The following CACTIN variants were observed in gnomAD, a reference collection of about 807,000 sequenced individuals.
CACTIN encodes cactin, spliceosome C complex subunit, also known as splicing factor Cactin.
CACTIN carries 20 observed loss-of-function variants against 84.9 expected under a neutral mutation model. The ratio of observed to expected loss-of-function variants is 0.24; its 90% CI spans 0.17 to 0.34. CACTIN has a LOEUF of 0.34. CACTIN is among the 10% of genes least tolerant of loss of function. The pLI is 1.00. For synonymous variants in CACTIN, 549 were observed against 467.9 expected (o/e 1.17, Z -2.24); for missense variants, 897 against 1,117.2 (o/e 0.80, Z 2.81).
In CACTIN at chr19:3,624,146, C is replaced by T; in HGVS notation, c.184G>A (p.Glu62Lys). Residue 62 changes from glutamate to lysine, a missense_variant, in exon 2 of 10, where the codon GAG becomes AAG. Coordinates refer to ENST00000429344, the MANE Select transcript of CACTIN (RefSeq NM_001080543.2). ...SRERRSDSEE[E>K]RWQRSGMRSR... Reference sequence around the variant, plus strand: ...CGCATCCCTGAGCGCTGCCACCGCTCTTCCTCTGAATCTGACCTGCGGAGA... The same window carrying T: ...CGCATCCCTGAGCGCTGCCACCGCTTTTCCTCTGAATCTGACCTGCGGAGA... 1.3e-6 allele frequency: 2 copies of T among 1,566,678 alleles called. No individual in the cohort carries two copies. The highest frequency in any genetic ancestry group is 1.7e-6 in the Non-Finnish European group (2 of 1,158,360).
chr19:3,613,892 A>G, intron 7 of CACTIN: 1 of 488,942 alleles, frequency 2.0e-6, no homozygotes, highest in Non-Finnish European at 3.6e-6. Context: ...GCAGGACACC[A>G]GCCAACAAGC....
chr19:3,622,657 G>A (rs1599894379), intron 2 of CACTIN, among the ~76,000 whole-genome samples: 3 of 152,354 alleles, frequency 2.0e-5, no homozygotes, highest in Non-Finnish European at 1.5e-5. Flanking sequence ...CCCAGAGGGA[G>A]TGGGGTCCTG....
chr19:3,624,417 G>A (rs2033292626), intron 1 of CACTIN, among the ~76,000 whole-genome samples: 1 of 152,230 alleles, frequency 6.6e-6, no homozygotes, highest in African/African-American at 2.4e-5. Context: ...CCGAGCACAG[G>A]GGCTGGGGCT....
At chr19:3,614,041 G>A (rs1340005038) in intron 7 of CACTIN, 4 of 484,806 alleles carry the variant, frequency 8.3e-6, no homozygotes, top group Non-Finnish European at 1.5e-5. Context: ...TGGGCGCAAG[G>A]CAGTGGGGAC....
At position 3,613,467 on chromosome 19, in the gene CACTIN, C is replaced by A; in HGVS notation, c.1475G>T (p.Arg492Leu). The change falls in exon 8 of 10, where the codon CGC becomes CTC. Residue 492 changes from arginine to leucine, a missense_variant. Around this residue, in one of 8 missense-constraint regions of CACTIN, gnomAD observed 243 missense variants for 239.9 expected, o/e 1.01. Coordinates refer to ENST00000429344, the MANE Select transcript of CACTIN (RefSeq NM_001080543.2). ...ILKQEPQSPS[R>L]SLEPEDAAPT... ...CCGGGGTGCCGGCCGGGCCTACCTG[C>A]GGCTGGGGGACTGGGGCTCCTGCTT... The A allele has an allele frequency of 6.3e-7, 1 of 1,577,350 alleles. No homozygotes were observed. Among genetic ancestry groups the A allele is most frequent in the South Asian group, 1.1e-5 (1 of 87,014 alleles).
intron 9 of CACTIN, 159 bp downstream of exon 9, chr19:3,612,899 G>A: frequency 1.1e-6 from 1 of 871,628 alleles, no homozygotes; most frequent in Middle Eastern, 2.1e-4. Context: ...GCCCCAGTGC[G>A]CGTGCAGGTG....
chr19:3,613,719 C>A, intron 7 of CACTIN, 133 bp from the exon 8 acceptor site: 3 of 1,330,208 alleles, frequency 2.3e-6, no homozygotes, highest in Non-Finnish European at 3.0e-6. Context: ...CTGGCTGGGA[C>A]CTTTGCCCAG....
At position 3,613,344 on chromosome 19, in the gene CACTIN, C is replaced by T. The variant is rs755131174; in HGVS notation, c.1500G>A (p.Ala500=). Residue 500 remains alanine, a synonymous_variant, in exon 9 of 10, where the codon GCG becomes GCA. Transcript: ENST00000429344. ...PSRSLEPEDA[A]PTPPGPSSEG... ...CCGAGGAGGGCCCGGGCGGGGTGGG[C>T]GCCGCGTCCTCAGGCTCCAGGCTGG... The T allele has an allele frequency of 2.0e-6, 3 of 1,513,934 alleles. No homozygotes were observed. The highest frequency in any genetic ancestry group is 2.6e-6 in the Non-Finnish European group (3 of 1,137,230). 93.8% of individuals were successfully genotyped at this position (1,513,934 alleles called of 1,614,324 possible).
At chr19:3,619,279 G>A (rs1440324828) in intron 4 of CACTIN, 37 bp from the exon 5 acceptor site, 1 of 1,600,942 alleles carries the variant, frequency 6.2e-7, no homozygotes, top group Admixed American at 1.7e-5. Flanking sequence ...CAGAGCCTGG[G>A]CTGTGCCCTC....
At chr19:3,613,615 T>A in intron 7 of CACTIN, 29 bp from the exon 8 acceptor site, 1 of 1,586,592 alleles carries the variant, frequency 6.3e-7, no homozygotes, top group Non-Finnish European at 8.5e-7. Flanking sequence ...GTCACCCGCA[T>A]GGAGGCGAAG....
intron 2 of CACTIN, among the ~76,000 whole-genome samples, chr19:3,622,363 C>CAAAAAAAAAAA (rs34766613): frequency 1.1e-5 from 1 of 88,150 alleles, no homozygotes; most frequent in Admixed American, 1.3e-4. Context: ...GACTCCATCT[C>CAAAAAAAAAAA]AAAAAAAAAA....
intron 2 of CACTIN, chr19:3,621,071 C>T (rs2033213906): frequency 1.8e-6 from 1 of 553,238 alleles, no homozygotes; most frequent in African/African-American, 1.9e-5. Context: ...CACTCGGGGC[C>T]GCCCCAACTC....
At chr19:3,621,011 T>C (rs1428489187) in intron 2 of CACTIN, 2 of 679,838 alleles carry the variant, frequency 2.9e-6, no homozygotes, top group East Asian at 5.5e-5. Flanking sequence ...GGGAGTGAGA[T>C]GTATGCAAAG....
Position 3,612,337 on chromosome 19 carries a change from G to T in CACTIN, c.1863C>A (p.Phe621Leu), listed in dbSNP as rs1305849252. ...KEGMGQDEAQ[F>L]SVEMPLTGKA... Reference sequence around the variant, plus strand: ...TGCCGGTGAGTGGCATCTCCACGCTGAACTGCGCCTCGTCCTGGCCCATGC... The same window carrying T: ...TGCCGGTGAGTGGCATCTCCACGCTTAACTGCGCCTCGTCCTGGCCCATGC... The change falls in exon 10 of 10, where the codon TTC becomes TTA. Residue 621 changes from phenylalanine to leucine, a missense_variant. Transcript: ENST00000429344. The T allele has an allele frequency of 6.2e-7, 1 of 1,612,002 alleles. No homozygotes were observed. Among genetic ancestry groups the T allele is most frequent in the Non-Finnish European group, 8.5e-7 (1 of 1,179,832 alleles).
intron 6 of CACTIN, chr19:3,616,018 C>A (rs2033098353): frequency 6.6e-6 from 1 of 152,148 alleles, no homozygotes; most frequent in African/African-American, 2.4e-5. Flanking sequence ...CCAGGTGCCG[C>A]CAGGTCAGCG....
chr19:3,613,874 G>A (rs1298987201), intron 7 of CACTIN: 1 of 507,106 alleles, frequency 2.0e-6, no homozygotes, highest in Non-Finnish European at 3.5e-6. Flanking sequence ...GCCAGGAGAA[G>A]GGGCCCAGCA....
At position 3,611,594 on chromosome 19, in the gene CACTIN, C is replaced by A. The variant is rs182927689; in HGVS notation, c.*329G>T. 9 of 395,782 alleles carry A rather than the reference C, an allele frequency of 2.3e-5. No homozygotes were observed. The highest frequency in any genetic ancestry group is 3.9e-5 in the Non-Finnish European group (8 of 207,492). The allele number at this position is 395,782 out of a possible 1,614,324, so 24.5% of individuals were successfully genotyped here. ...GGCCCCACCCAGCCTGGCTGAGGGG[C>A]GGTGGAGAGTGTCCGCCTGGACGGT... is the stretch of plus-strand genomic sequence containing the variant. On this transcript the variant is annotated 3_prime_UTR_variant, in exon 10 of 10. Transcript: ENST00000429344.
At chr19:3,625,883 A>G (rs1255143032) in intron 1 of CACTIN, among the ~76,000 whole-genome samples, 3 of 152,136 alleles carry the variant, frequency 2.0e-5, no homozygotes, top group African/African-American at 7.2e-5. Context: ...TCTGTACTGG[A>G]GCCGGCTCAA....
At chr19:3,614,810 A>C in intron 6 of CACTIN, 1 of 587,628 alleles carries the variant, frequency 1.7e-6, no homozygotes, top group Non-Finnish European at 3.0e-6. Flanking sequence ...GTTAAGATGC[A>C]GTTGCTGAGG....
Sources: allele counts gnomAD v4.1 joint callset (sites outside exome capture counted in the v4.1 genomes callset), GRCh38; gene constraint gnomAD v4.1.1; regional missense constraint gnomAD v4.1.1; transcripts MANE v1.5; gene names NCBI Gene and HGNC (gene_info 2026-07-23, HGNC 2026-07-21).